The following CDH13 variants were observed in gnomAD, a reference collection of about 807,000 sequenced individuals.
CDH13 encodes the protein cadherin 13.
CDH13 carries 24 observed loss-of-function variants against 63.8 expected under a neutral mutation model. The observed-to-expected ratio is 0.38, with a 90% confidence interval of 0.27 to 0.53. CDH13 has a LOEUF of 0.53. Ranked by LOEUF, CDH13 falls within the 20% of genes least tolerant of loss-of-function variation. The pLI is 0.85. For missense variants in CDH13, 1,049 were observed against 903.1 expected (o/e 1.16, Z -2.07); for synonymous variants, 503 against 355.3 (o/e 1.42, Z -4.67).
At chr16:83,464,574 G>A (rs2073261419) in intron 6 of CDH13, among the ~76,000 whole-genome samples, 1 of 152,006 alleles carries the variant, frequency 6.6e-6, no homozygotes, top group South Asian at 2.1e-4. Context: ...TGGCCAGGCT[G>A]GTCTTGAACT....
intron 3 of CDH13, among the ~76,000 whole-genome samples, chr16:83,077,181 C>CTTTTTTTTTTTTTTTTTTTTTTTTTTTTT (rs1160572033): frequency 1.1e-5 from 1 of 93,462 alleles, no homozygotes; most frequent in Non-Finnish European, 2.1e-5. Flanking sequence ...TCTTTTTTTT[C>CTTTTTTTTTTTTTTTTTTTTTTTTTTTTT]TTTTCTTTTT....
At chr16:83,181,676 G>A (rs1383005944) in intron 4 of CDH13, among the ~76,000 whole-genome samples, 2 of 152,200 alleles carry the variant, frequency 1.3e-5, no homozygotes, top group Non-Finnish European at 2.9e-5. Flanking sequence ...TTGGAGCCAG[G>A]AAGGCTTGTG....
Position 82,850,652 on chromosome 16 carries a change from G to A in CDH13, c.46-7710G>A, listed in dbSNP as rs145669475. On this transcript the variant is annotated intron_variant, in intron 1 of 13. Coordinates refer to ENST00000567109, the MANE Select transcript of CDH13 (RefSeq NM_001257.5). Reference sequence around the variant, plus strand: ...ACCAAATAGCATCACATGCTATAGAGAAATCATTCGTGAAAGGAAGAGTCG... The same window carrying A: ...ACCAAATAGCATCACATGCTATAGAAAAATCATTCGTGAAAGGAAGAGTCG... Among the ~76,000 whole-genome samples the A allele has an allele frequency of 3.3e-5, 5 of 152,288 alleles. No individual in the cohort carries two copies. In the East Asian group the frequency reaches 5.8e-4, roughly 18 times the overall value.
intron 4 of CDH13, among the ~76,000 whole-genome samples, chr16:83,214,088 C>A (rs896916879): frequency 2.0e-5 from 3 of 152,094 alleles, no homozygotes; most frequent in African/African-American, 7.2e-5. Flanking sequence ...CAGCGACAAC[C>A]TGCTCGGATC....
intron 3 of CDH13, among the ~76,000 whole-genome samples, chr16:83,034,232 A>C (rs568515127): frequency 6.6e-6 from 1 of 152,154 alleles, no homozygotes; most frequent in African/African-American, 2.4e-5. Flanking sequence ...TCTCACTGCA[A>C]TGCTTCTGGA....
chr16:83,597,814 A>G (rs1907414346), intron 7 of CDH13, among the ~76,000 whole-genome samples: 1 of 152,192 alleles, frequency 6.6e-6, no homozygotes, highest in Non-Finnish European at 1.5e-5. Context: ...TTCTAAAATT[A>G]TTTATAAAAT....
Position 82,858,402 on chromosome 16 carries a change from C to T in CDH13, c.86C>T (p.Pro29Leu), listed in dbSNP as rs868048564. Reference protein sequence around the residue: ...LTSAEDLDCTPGFQQKVFHIN... With the variant: ...LTSAEDLDCTLGFQQKVFHIN... The stretch of plus-strand genomic sequence containing the variant: ...TCTGCAGAAGATTTGGACTGCACTC[C>T]TGGATTTCAGCAGAAAGTGTTCCAT... The change falls in exon 2 of 14, where the codon CCT becomes CTT. Residue 29 changes from proline to leucine, a missense_variant. Pro to Leu is a moderately conservative substitution (Grantham distance 98). Transcript: ENST00000567109. 2 of 1,613,886 alleles carry T rather than the reference C, an allele frequency of 1.2e-6. No homozygotes were observed. The highest frequency in any genetic ancestry group is 1.7e-6 in the Non-Finnish European group (2 of 1,179,782).
At position 82,644,404 on chromosome 16, in the gene CDH13, C is replaced by T. The variant is rs1909823826; in HGVS notation, c.45+17267C>T. ...TTCCTTTGATTCTCAGGTCCCTTAA[C>T]CATGGAACGTACTCCTGTCTGCCCT... is the stretch of plus-strand genomic sequence containing the variant. On this transcript the variant is annotated intron_variant, in intron 1 of 13. Transcript: ENST00000567109. The surrounding 1 kb of genome is among the most constrained non-coding windows in gnomAD (Gnocchi z 5.7). 6.6e-6 allele frequency among the ~76,000 whole-genome samples: 1 copy of T among 152,142 alleles called. No homozygotes were observed. Among genetic ancestry groups the T allele is most frequent in the African/African-American group, 2.4e-5 (1 of 41,428 alleles).
At chr16:83,010,397 G>A (rs902437551) in intron 2 of CDH13, among the ~76,000 whole-genome samples, 1 of 152,064 alleles carries the variant, frequency 6.6e-6, no homozygotes, top group Non-Finnish European at 1.5e-5. Flanking sequence ...ATGCACGACT[G>A]TCAGAAATGG....
At chr16:83,346,029 G>A (rs2090832503) in intron 6 of CDH13, among the ~76,000 whole-genome samples, 1 of 152,142 alleles carries the variant, frequency 6.6e-6, no homozygotes, top group Non-Finnish European at 1.5e-5. Context: ...TTGTATGCAA[G>A]ATGCCTAAAA....
chr16:83,546,497 G>A (rs540875650), intron 7 of CDH13, among the ~76,000 whole-genome samples: 15 of 148,598 alleles, frequency 1.0e-4, no homozygotes, highest in East Asian at 3.9e-4. Context: ...GGTTCAAGAC[G>A]TTCTGGAAAC....
chr16:83,213,104 A>T (rs1189750167), intron 4 of CDH13, among the ~76,000 whole-genome samples: 2 of 152,136 alleles, frequency 1.3e-5, no homozygotes, highest in Non-Finnish European at 2.9e-5. Context: ...CAGAAGAGAG[A>T]CAGACGTGTG....
intron 8 of CDH13, among the ~76,000 whole-genome samples, chr16:83,666,607 T>G (rs1477499670): frequency 6.6e-6 from 1 of 152,250 alleles, no homozygotes; most frequent in African/African-American, 2.4e-5. Context: ...GAGTTCTCTC[T>G]GGCTCTCCCC....
rs536710893 is a variant in CDH13 at position 83,590,382 on chromosome 16, G to A, written c.961-12072G>A. Among the ~76,000 whole-genome samples the A allele has an allele frequency of 1.6e-4, 24 of 152,284 alleles. No homozygotes were observed. In the South Asian group the frequency reaches 4.6e-3, roughly 29 times the overall value. On this transcript the variant is annotated intron_variant, in intron 7 of 13. Transcript: ENST00000567109. ...AATCAGGAGCACTGGATGAGCAGTT[G>A]TTTGAGGTAAGAGAGAGGGAATTGC...
chr16:83,190,871 A>G (rs2038675673), intron 4 of CDH13, among the ~76,000 whole-genome samples: 1 of 152,120 alleles, frequency 6.6e-6, no homozygotes, highest in Non-Finnish European at 1.5e-5. Flanking sequence ...GCTAATTGCT[A>G]AGCAATTGAT....
intron 5 of CDH13, among the ~76,000 whole-genome samples, chr16:83,299,608 C>G (rs78921144): frequency 0.048 from 7,348 of 152,234 alleles, 204 homozygotes; most frequent in Admixed American, 0.081. Context: ...TTTTAAAAGA[C>G]CCTAGCTTTA....
chr16:82,732,005 C>G (rs1487967041), intron 1 of CDH13, among the ~76,000 whole-genome samples: 1 of 152,172 alleles, frequency 6.6e-6, no homozygotes, highest in Admixed American at 6.5e-5. Context: ...CTTCTTTGAT[C>G]TGCAGCTTAA....
chr16:82,980,177 C>T (rs1406653846), intron 2 of CDH13, among the ~76,000 whole-genome samples: 1 of 152,126 alleles, frequency 6.6e-6, no homozygotes, highest in Non-Finnish European at 1.5e-5. Context: ...TGCAGAAGGC[C>T]ACCTGACGTG....
intron 1 of CDH13, among the ~76,000 whole-genome samples, chr16:82,665,464 A>T (rs1246331638): frequency 2.6e-5 from 4 of 152,196 alleles, no homozygotes; most frequent in Non-Finnish European, 5.9e-5. Context: ...CTGCATTTCT[A>T]CTAGGAGCAA....
Sources: allele counts gnomAD v4.1 joint callset (sites outside exome capture counted in the v4.1 genomes callset), GRCh38; gene constraint gnomAD v4.1.1; non-coding constraint Gnocchi (gnomAD v3.1); transcripts MANE v1.5; gene names NCBI Gene and HGNC (gene_info 2026-07-23, HGNC 2026-07-21).